The following EBF2 variants were observed in gnomAD, a reference collection of about 807,000 sequenced individuals.
The protein encoded by EBF2 is EBF transcription factor 2.
EBF2 carries 21 observed loss-of-function variants against 72.8 expected under a neutral mutation model. The ratio of observed to expected loss-of-function variants is 0.29; its 90% CI spans 0.20 to 0.42. EBF2 has a LOEUF of 0.42. Among genes scored for constraint, EBF2 ranks in the 10% least tolerant of loss-of-function variants. The pLI is 1.00. For synonymous variants in EBF2, 299 were observed against 274.2 expected, an observed-to-expected ratio of 1.09 and a Z score of -0.89; for missense variants, 637 against 731.2, an observed-to-expected ratio of 0.87 and a Z score of 1.49.
intron 15 of EBF2, among the ~76,000 whole-genome samples, chr8:25,848,236 C>CCTTACAGTGACTCTAGAAAT (rs1801880491): frequency 6.6e-6 from 1 of 152,076 alleles, no homozygotes; most frequent in Admixed American, 6.5e-5. Flanking sequence ...AGGTTTGGGA[C>CCTTACAGTGACTCTAGAAAT]CTTACAGTGA....
intron 6 of EBF2, among the ~76,000 whole-genome samples, chr8:26,012,693 C>CT (rs1245249299): frequency 6.6e-6 from 1 of 152,140 alleles, no homozygotes; most frequent in African/African-American, 2.4e-5. Flanking sequence ...AGACATTTTC[C>CT]ATATTTGCGG....
chr8:26,001,666 A>C (rs571390682), intron 6 of EBF2, among the ~76,000 whole-genome samples: 67 of 152,146 alleles, frequency 4.4e-4, no homozygotes, highest in African/African-American at 1.6e-3. Context: ...CTCCTGCCTC[A>C]GCCTCCTGAG....
chr8:25,915,160 T>C (rs1484685216), intron 6 of EBF2, among the ~76,000 whole-genome samples: 2 of 151,900 alleles, frequency 1.3e-5, no homozygotes, highest in Non-Finnish European at 2.9e-5. Flanking sequence ...ATAAACAAGA[T>C]TCAGAAAGGT....
chr8:26,022,943 G>T (rs976874756), intron 6 of EBF2, among the ~76,000 whole-genome samples: 1 of 152,224 alleles, frequency 6.6e-6, no homozygotes, highest in Admixed American at 6.5e-5. Context: ...GTAGAAGACA[G>T]CAACAAAGAA....
intron 7 of EBF2, 80 bp from the exon 8 acceptor site, chr8:25,889,949 G>T: frequency 1.6e-6 from 2 of 1,220,214 alleles, no homozygotes; most frequent in Non-Finnish European, 2.4e-6. Context: ...CCAAAATTCT[G>T]TTTTGCCACA....
intron 13 of EBF2, 108 bp from the exon 14 acceptor site, chr8:25,858,612 G>A: frequency 1.0e-6 from 1 of 979,242 alleles, no homozygotes; most frequent in South Asian, 1.8e-5. Flanking sequence ...GTCACCAGCT[G>A]CCCCGGGCAG....
intron 6 of EBF2, among the ~76,000 whole-genome samples, chr8:25,970,538 T>G (rs1230118725): frequency 6.6e-6 from 1 of 151,852 alleles, no homozygotes; most frequent in African/African-American, 2.4e-5. Flanking sequence ...CTCTTCAGGC[T>G]CCCCTAATAA....
intron 6 of EBF2, among the ~76,000 whole-genome samples, chr8:26,019,390 C>G (rs1431785426): frequency 6.6e-6 from 1 of 152,094 alleles, no homozygotes; most frequent in African/African-American, 2.4e-5. Flanking sequence ...TCTGAAGAGA[C>G]CAAGATATTC....
chr8:26,001,464 T>A (rs1363278232), intron 6 of EBF2, among the ~76,000 whole-genome samples: 1 of 152,238 alleles, frequency 6.6e-6, no homozygotes, highest in Non-Finnish European at 1.5e-5. Context: ...TTAGCAGATG[T>A]GCTTTCTTTT....
chr8:25,974,039 G>A (rs1804230030), intron 6 of EBF2, among the ~76,000 whole-genome samples: 1 of 152,168 alleles, frequency 6.6e-6, no homozygotes, highest in African/African-American at 2.4e-5. Context: ...GAAAATGTGA[G>A]GTCTGAGCAC....
At chr8:25,907,336 C>G (rs1362644449) in intron 7 of EBF2, among the ~76,000 whole-genome samples, 1 of 140,418 alleles carries the variant, frequency 7.1e-6, no homozygotes, top group African/African-American at 2.7e-5. Context: ...ATGAGAATCC[C>G]TTGAGCCCAG....
intron 5 of EBF2, among the ~76,000 whole-genome samples, chr8:26,033,463 C>T (rs187538407): frequency 9.3e-4 from 141 of 152,330 alleles, no homozygotes; most frequent in Non-Finnish European, 1.7e-3. Context: ...CTCCTGACCT[C>T]AGGTGATCTG....
chr8:25,957,170 T>A (rs1255659389), intron 6 of EBF2, among the ~76,000 whole-genome samples: 1 of 152,202 alleles, frequency 6.6e-6, no homozygotes, highest in Admixed American at 6.5e-5. Context: ...TCGAGACACC[T>A]CAGCTCTTTG....
chr8:25,861,943 TAC>T (rs1166171798), intron 11 of EBF2, among the ~76,000 whole-genome samples: 1 of 152,222 alleles, frequency 6.6e-6, no homozygotes, highest in East Asian at 1.9e-4. Flanking sequence ...CCTCCTGTTT[TAC>T]ACAGCCTTTT....
chr8:25,937,483 C>T (rs774771689), intron 6 of EBF2, among the ~76,000 whole-genome samples: 1 of 152,076 alleles, frequency 6.6e-6, no homozygotes, highest in South Asian at 2.1e-4. Flanking sequence ...AAATTATTAC[C>T]ATAGAACATT....
intron 7 of EBF2, among the ~76,000 whole-genome samples, chr8:25,905,537 C>T (rs1297440761): frequency 6.6e-6 from 1 of 152,158 alleles, no homozygotes; most frequent in Non-Finnish European, 1.5e-5. Context: ...CATGCTATCA[C>T]ATAGAGGAAC....
intron 6 of EBF2, among the ~76,000 whole-genome samples, chr8:25,983,867 G>A (rs1275992421): frequency 6.6e-6 from 1 of 152,252 alleles, no homozygotes; most frequent in African/African-American, 2.4e-5. Flanking sequence ...TTTGCTTTGC[G>A]AACTTTATCC....
intron 6 of EBF2, among the ~76,000 whole-genome samples, chr8:25,960,183 C>T (rs747068151): frequency 1.3e-5 from 2 of 152,146 alleles, no homozygotes; most frequent in Non-Finnish European, 2.9e-5. Context: ...CAGACTCCAC[C>T]CTTGCTCAAA....
intron 7 of EBF2, among the ~76,000 whole-genome samples, chr8:25,893,057 G>A (rs1465629427): frequency 6.6e-6 from 1 of 152,128 alleles, no homozygotes; most frequent in Non-Finnish European, 1.5e-5. Flanking sequence ...TGTTACAGTC[G>A]AAGGGAGAGG....
Sources: gnomAD v4.1 joint callset for allele counts (sites outside exome capture counted in the v4.1 genomes callset) on GRCh38, gnomAD v4.1.1 for gene constraint, MANE v1.5 for transcripts, NCBI Gene and HGNC (gene_info 2026-07-23, HGNC 2026-07-21) for gene names.